CADM2: variants seen among roughly 807,000 people sequenced by gnomAD.
The protein encoded by CADM2 is cell adhesion molecule 2, also known as immunoglobulin superfamily member 4D.
In CADM2, 12 loss-of-function variants were observed where a neutral mutation model predicts 49.8. The ratio of observed to expected loss-of-function variants is 0.24; its 90% confidence interval spans 0.15 to 0.39. CADM2 has a LOEUF of 0.39. Among genes scored for constraint, CADM2 ranks in the 10% least tolerant of loss-of-function variants. CADM2 has a pLI of 1.00. For synonymous variants in CADM2, 214 were observed against 175.4 expected, an observed-to-expected ratio of 1.22 and a Z score of -1.74; for missense variants, 378 against 492.3, an observed-to-expected ratio of 0.77 and a Z score of 2.20.
At chr3:85,214,952 T>G (rs1397619212) in intron 1 of CADM2, among the ~76,000 whole-genome samples, 2 of 152,078 alleles carry the variant, frequency 1.3e-5, no homozygotes, top group Non-Finnish European at 2.9e-5. Flanking sequence ...TCTACCCCAC[T>G]GTGGCTAAGC....
chr3:85,159,657 A>G (rs2107664828), intron 1 of CADM2, among the ~76,000 whole-genome samples: 1 of 152,322 alleles, frequency 6.6e-6, no homozygotes, highest in African/African-American at 2.4e-5. Context: ...GAAGTGGGTC[A>G]GAGAGCAAGC....
At chr3:85,677,100 A>G (rs1047556098) in intron 1 of CADM2, among the ~76,000 whole-genome samples, 2 of 152,128 alleles carry the variant, frequency 1.3e-5, no homozygotes, top group African/African-American at 4.8e-5. Context: ...CAGCTTCATG[A>G]CACTGTTCAC....
chr3:85,539,531 C>T (rs1170022152), intron 1 of CADM2, among the ~76,000 whole-genome samples: 1 of 151,992 alleles, frequency 6.6e-6, no homozygotes, highest in African/African-American at 2.4e-5. Flanking sequence ...TGCTCTAGCT[C>T]TTTCATTCCA....
chr3:85,421,760 A>G (rs2036182136), intron 1 of CADM2, among the ~76,000 whole-genome samples: 1 of 152,182 alleles, frequency 6.6e-6, no homozygotes, highest in Admixed American at 6.5e-5. Flanking sequence ...AGATTTTTGT[A>G]TAGGTTAATT....
At chr3:85,624,642 G>T (rs1313811182) in intron 1 of CADM2, among the ~76,000 whole-genome samples, 1 of 151,998 alleles carries the variant, frequency 6.6e-6, no homozygotes, top group Admixed American at 6.6e-5. Flanking sequence ...TTGTTTGGAG[G>T]AACACATCGA....
intron 1 of CADM2, among the ~76,000 whole-genome samples, chr3:85,326,344 A>G (rs2044748881): frequency 6.6e-6 from 1 of 152,200 alleles, no homozygotes; most frequent in African/African-American, 2.4e-5. Flanking sequence ...TTACTTAAGA[A>G]TGCTTATATT....
intron 2 of CADM2, among the ~76,000 whole-genome samples, chr3:85,743,954 T>C (rs2068502221): frequency 6.6e-6 from 1 of 152,194 alleles, no homozygotes; most frequent in Non-Finnish European, 1.5e-5. Flanking sequence ...CTTTAGGTAC[T>C]TCTGTTCAAT....
intron 5 of CADM2, among the ~76,000 whole-genome samples, chr3:85,910,473 G>T (rs751940566): frequency 6.6e-6 from 1 of 151,980 alleles, no homozygotes; most frequent in Non-Finnish European, 1.5e-5. Flanking sequence ...TATTTTTTCT[G>T]AAAGGTCATA....
chr3:85,391,804 G>A (rs1200816384), intron 1 of CADM2, among the ~76,000 whole-genome samples: 3 of 152,098 alleles, frequency 2.0e-5, no homozygotes, highest in Non-Finnish European at 2.9e-5. Flanking sequence ...GCAGGTGGAT[G>A]ATAATCTCTC....
At chr3:85,760,746 T>C (rs2069334177) in intron 2 of CADM2, among the ~76,000 whole-genome samples, 1 of 152,184 alleles carries the variant, frequency 6.6e-6, no homozygotes, top group African/African-American at 2.4e-5. Context: ...AGTAATACAT[T>C]AAGATAAATT....
intron 1 of CADM2, among the ~76,000 whole-genome samples, chr3:85,468,368 T>G (rs543900705): frequency 1.4e-4 from 22 of 152,030 alleles, no homozygotes; most frequent in Non-Finnish European, 2.8e-4. Context: ...GTGTGGAGTG[T>G]GCCCTGTGGT....
intron 3 of CADM2, among the ~76,000 whole-genome samples, chr3:85,834,789 TTCATCA>T (rs2074333205): frequency 6.6e-6 from 1 of 151,198 alleles, no homozygotes; most frequent in Admixed American, 6.6e-5. Context: ...AGAATAAGCA[TTCATCA>T]GGAGATTGTT....
At chr3:86,016,387 A>G (rs1445316219) in intron 8 of CADM2, among the ~76,000 whole-genome samples, 2 of 152,218 alleles carry the variant, frequency 1.3e-5, no homozygotes, top group African/African-American at 2.4e-5. Context: ...TTTTCTAGAT[A>G]AGAGAATAAG....
intron 1 of CADM2, among the ~76,000 whole-genome samples, chr3:85,686,064 A>G (rs1006502218): frequency 2.6e-5 from 4 of 152,222 alleles, no homozygotes; most frequent in Non-Finnish European, 4.4e-5. Context: ...ATTTTGTTCT[A>G]TCCATGTTAA....
intron 1 of CADM2, among the ~76,000 whole-genome samples, chr3:85,654,625 T>A (rs2065142901): frequency 1.3e-5 from 2 of 152,178 alleles, no homozygotes; most frequent in Admixed American, 1.3e-4. Context: ...CCTAGGGAAA[T>A]AGAAAAATTC....
chr3:85,467,882 A>G (rs2038573237), intron 1 of CADM2, among the ~76,000 whole-genome samples: 1 of 152,160 alleles, frequency 6.6e-6, no homozygotes, highest in Non-Finnish European at 1.5e-5. Flanking sequence ...CTGTTATAAC[A>G]TTGAGGCAGC....
At chr3:85,793,436 G>T (rs1285682956) in intron 2 of CADM2, among the ~76,000 whole-genome samples, 1 of 152,108 alleles carries the variant, frequency 6.6e-6, no homozygotes, top group African/African-American at 2.4e-5. Flanking sequence ...GTACGAATGG[G>T]GAAAAAGCTA....
chr3:85,601,587 A>T (rs1250507018), intron 1 of CADM2, among the ~76,000 whole-genome samples: 1 of 151,538 alleles, frequency 6.6e-6, no homozygotes, highest in Non-Finnish European at 1.5e-5. Context: ...TATAGAACAA[A>T]ATCTTTACTC....
chr3:85,115,648 T>G (rs1297332526), intron 1 of CADM2, among the ~76,000 whole-genome samples: 1 of 152,204 alleles, frequency 6.6e-6, no homozygotes, highest in East Asian at 1.9e-4. Flanking sequence ...AAATCTAGGA[T>G]TACAACAAGC....
Sources: allele counts gnomAD v4.1 joint callset (sites outside exome capture counted in the v4.1 genomes callset), GRCh38; gene constraint gnomAD v4.1.1; transcripts MANE v1.5; gene names NCBI Gene and HGNC (gene_info 2026-07-23, HGNC 2026-07-21).